Variants in BAIAP2 observed in about 807,000 individuals in gnomAD.
BAIAP2 encodes the protein BAR/IMD domain-containing adapter protein 2.
In BAIAP2, 18 loss-of-function variants were observed where a neutral mutation model predicts 63.0. That is an observed-to-expected ratio of 0.29 (90% CI 0.20 to 0.42). The LOEUF (loss-of-function observed/expected upper bound fraction) is 0.42. BAIAP2 is among the 10% of genes least tolerant of loss of function. The probability of loss-of-function intolerance (pLI) is 1.00; values close to 1 mark genes in which losing one functional copy is unlikely to be tolerated. For synonymous variants in BAIAP2, 386 were observed against 307.6 expected (o/e 1.25, Z -2.67); for missense variants, 610 against 734.3 (o/e 0.83, Z 1.96).
Position 81,104,007 on chromosome 17 carries a change from A to T in BAIAP2, c.965A>T (p.Lys322Ile). The change falls in exon 9 of 14, where the codon AAA becomes ATA. Residue 322 changes from lysine to isoleucine, a missense_variant. By Grantham distance (102) the Lys-to-Ile change is moderately radical (BLOSUM62 -3). Transcript: ENST00000428708. ...GCTGACCGCAAGGCTGCCCAGCCCAAATCCCTGTCTCCTCCGCAGTCTCAG... is the reference window on the plus strand; with the variant it reads ...GCTGACCGCAAGGCTGCCCAGCCCATATCCCTGTCTCCTCCGCAGTCTCAG... ...PWADRKAAQP[K>I]SLSPPQSQSK... The T allele has an allele frequency of 6.2e-7, 1 of 1,613,184 alleles. No homozygotes were observed. Among genetic ancestry groups the T allele is most frequent in the Non-Finnish European group, 8.5e-7 (1 of 1,180,014 alleles).
In BAIAP2 at chr17:81,103,740, TG is replaced by T. The variant is rs2058783517; in HGVS notation, c.864+19del. ...TTCGTGGGGGTGAGTCTGTGGCCTC[TG>T]GAAAGCTTCACGGGTGTGGGTGGGA... On this transcript the variant is annotated intron_variant, in intron 8 of 13. Transcript: ENST00000428708. 6.7e-7 allele frequency: 1 copy of T among 1,498,694 alleles called. No homozygotes were observed. The highest frequency in any genetic ancestry group is 1.4e-5 in the African/African-American group (1 of 71,810). The allele number at this position is 1,498,694 out of a possible 1,614,324, so 92.8% of individuals were successfully genotyped here.
chr17:81,068,356 G>T (rs891852565), intron 3 of BAIAP2, among the ~76,000 whole-genome samples: 1 of 152,240 alleles, frequency 6.6e-6, no homozygotes, highest in Non-Finnish European at 1.5e-5. Flanking sequence ...CCTCGGGCAC[G>T]CGTGAGGAAC....
chr17:81,086,320 A>C, intron 5 of BAIAP2, 123 bp from the exon 6 acceptor site: 1 of 1,166,478 alleles, frequency 8.6e-7, no homozygotes. Context: ...CCAGGAAGGG[A>C]GTGGCAGGGC....
At chr17:81,078,127 C>T (rs1044000209) in intron 3 of BAIAP2, among the ~76,000 whole-genome samples, 5 of 147,536 alleles carry the variant, frequency 3.4e-5, no homozygotes, top group Non-Finnish European at 7.5e-5. Flanking sequence ...GAGCCGGGCA[C>T]TGTGGGTGCA....
chr17:81,071,614 G>T (rs148098679), intron 3 of BAIAP2, among the ~76,000 whole-genome samples: 1 of 152,346 alleles, frequency 6.6e-6, no homozygotes, highest in East Asian at 1.9e-4. Flanking sequence ...GTGTTTCTGT[G>T]CCCTCAGTGT....
At chr17:81,071,976 ATCCCCCCCTCCCCCTCTGC>A (rs1274210100) in intron 3 of BAIAP2, among the ~76,000 whole-genome samples, 1 of 152,124 alleles carries the variant, frequency 6.6e-6, no homozygotes. Context: ...GTCCGTGATC[ATCCCCCCCTCCCCCTCTGC>A]TTCCGGCCTC....
intron 1 of BAIAP2, among the ~76,000 whole-genome samples, chr17:81,037,409 C>G (rs1006852048): frequency 6.6e-6 from 1 of 152,230 alleles, no homozygotes; most frequent in Non-Finnish European, 1.5e-5. Context: ...CTCCGGGAGC[C>G]TGACTGCTGA....
chr17:81,074,739 C>T (rs921535687), intron 3 of BAIAP2, among the ~76,000 whole-genome samples: 3 of 144,788 alleles, frequency 2.1e-5, no homozygotes, highest in East Asian at 2.1e-4. Flanking sequence ...TGCACAGATG[C>T]GTGTGAGTGC....
rs143707681 is a variant in BAIAP2, at chr17:81,045,993, G to A, written c.55-7675G>A. On this transcript the variant is annotated intron_variant, in intron 1 of 13. Coordinates refer to ENST00000428708, the MANE Select transcript of BAIAP2 (RefSeq NM_001144888.2). ...CCCTCTGCGGGGTCTCATGGCCTGG[G>A]GGGGCTCATGGTGGGGGCCCCTGGC... Among the ~76,000 whole-genome samples the A allele has an allele frequency of 6.0e-3, 907 of 152,262 alleles. 1 individual carries two copies. The highest frequency in any genetic ancestry group is 0.017 in the Middle Eastern group (5 of 294).
In BAIAP2 at chr17:81,086,553, T is replaced by G. The variant is rs35895585; in HGVS notation, c.462T>G (p.Pro154=). 8 of 1,613,672 alleles carry G rather than the reference T, an allele frequency of 5.0e-6. No individual in the cohort carries two copies. In the Admixed American group the frequency reaches 1.0e-4, roughly 20 times the overall value. Residue 154 remains proline, a synonymous_variant, in exon 6 of 14, where the codon CCT becomes CCG. Coordinates refer to ENST00000428708, the MANE Select transcript of BAIAP2 (RefSeq NM_001144888.2). ...LRKKSQGSKN[P]QKYSDKELQY... ...AGAAGAGCCAGGGCAGCAAGAATCC[T>G]CAGAAGTACTCGGACAAGGAGCTGC...
In BAIAP2 at chr17:81,075,395, A is replaced by G. The variant is rs1282947734; in HGVS notation, c.218-9437A>G. Among the ~76,000 whole-genome samples, 7 of 152,058 alleles carry G rather than the reference A, an allele frequency of 4.6e-5. No homozygotes were observed. In the East Asian group the frequency reaches 1.3e-3, roughly 29 times the overall value. On this transcript the variant is annotated intron_variant, in intron 3 of 13. Coordinates refer to ENST00000428708, the MANE Select transcript of BAIAP2 (RefSeq NM_001144888.2). ...CCAGGGCATCCCCGGTTTGGCCTCA[A>G]TCTTTGAATCGTGTGAAGCGATCGG... is the stretch of plus-strand genomic sequence containing the variant.
intron 13 of BAIAP2, among the ~76,000 whole-genome samples, chr17:81,113,204 C>G (rs955476279): frequency 2.6e-5 from 4 of 152,368 alleles, no homozygotes; most frequent in Middle Eastern, 3.4e-3. Context: ...ACAGCTCCCC[C>G]ACACATGACG....
intron 1 of BAIAP2, among the ~76,000 whole-genome samples, chr17:81,039,122 G>A (rs533163092): frequency 1.3e-5 from 2 of 152,370 alleles, no homozygotes; most frequent in Non-Finnish European, 2.9e-5. Context: ...TTCTCTACAT[G>A]TGCATGTCTG....
intron 7 of BAIAP2, among the ~76,000 whole-genome samples, chr17:81,101,622 C>G (rs2058495501): frequency 7.2e-6 from 1 of 139,302 alleles, no homozygotes; most frequent in Non-Finnish European, 1.6e-5. Context: ...CTCTCATGTA[C>G]GTGCGCGTGC....
intron 6 of BAIAP2, among the ~76,000 whole-genome samples, chr17:81,091,673 C>T (rs1321202852): frequency 6.6e-6 from 1 of 152,212 alleles, no homozygotes; most frequent in Non-Finnish European, 1.5e-5. Flanking sequence ...GGGCTGCTTT[C>T]TTGAGCGGGC....
chr17:81,102,276 G>C (rs946259578), intron 7 of BAIAP2, among the ~76,000 whole-genome samples: 1 of 152,176 alleles, frequency 6.6e-6, no homozygotes. Context: ...CGGGGGTGAC[G>C]CTGGCTCGTG....
At chr17:81,092,313 G>A (rs540377239) in intron 6 of BAIAP2, among the ~76,000 whole-genome samples, 8 of 152,342 alleles carry the variant, frequency 5.3e-5, no homozygotes, top group African/African-American at 1.2e-4. Context: ...CCCCCGATGC[G>A]CACTGCCCGC....
At chr17:81,060,921 G>A (rs983670675) in intron 3 of BAIAP2, among the ~76,000 whole-genome samples, 4 of 152,126 alleles carry the variant, frequency 2.6e-5, no homozygotes, top group Non-Finnish European at 4.4e-5. Context: ...TCAGGAGTTC[G>A]AGACCAGCCT....
chr17:81,107,161 C>A, intron 12 of BAIAP2: 1 of 488,782 alleles, frequency 2.0e-6, no homozygotes, highest in Non-Finnish European at 3.6e-6. Flanking sequence ...TCATGGTGCC[C>A]TCAGCCAGCC....
Sources: allele counts gnomAD v4.1 joint callset (sites outside exome capture counted in the v4.1 genomes callset), GRCh38; gene constraint gnomAD v4.1.1; transcripts MANE v1.5; gene names NCBI Gene and HGNC (gene_info 2026-07-23, HGNC 2026-07-21).